The following TRIM24 variants were observed in gnomAD, a reference collection of about 807,000 sequenced individuals.
The protein encoded by TRIM24 is transcription intermediary factor 1-alpha.
TRIM24 carries 29 observed loss-of-function variants against 123.9 expected under a neutral mutation model. The ratio of observed to expected loss-of-function variants is 0.23; its 90% CI spans 0.17 to 0.32. The LOEUF (loss-of-function observed/expected upper bound fraction) is 0.32, where lower values mean the gene tolerates loss of function less well. Ranked by LOEUF, TRIM24 falls within the 10% of genes least tolerant of loss-of-function variation. The pLI, the probability that TRIM24 is intolerant of heterozygous loss-of-function variation, is 1.00. For synonymous variants in TRIM24, 456 were observed against 461.1 expected (o/e 0.99, Z 0.14); for missense variants, 932 against 1,295.3 (o/e 0.72, Z 4.31).
intron 1 of TRIM24, among the ~76,000 whole-genome samples, chr7:138,491,772 A>G (rs1795789183): frequency 6.6e-6 from 1 of 152,294 alleles, no homozygotes; most frequent in East Asian, 1.9e-4. Context: ...GCATCGTGTC[A>G]GCAGTGCACA....
At chr7:138,517,738 C>T (rs1352543482) in intron 3 of TRIM24, among the ~76,000 whole-genome samples, 1 of 151,964 alleles carries the variant, frequency 6.6e-6, no homozygotes, top group East Asian at 1.9e-4. Context: ...AATTCTTTAT[C>T]GTTGGGGACT....
At position 138,537,356 on chromosome 7, in the gene TRIM24, C is replaced by G. The variant is rs547826032; in HGVS notation, c.997-1301C>G. On this transcript the variant is annotated intron_variant, in intron 6 of 18. Coordinates refer to ENST00000343526, the MANE Select transcript of TRIM24 (RefSeq NM_015905.3). ...CTGTTCTTATTCGGCCATCTTGGAA[C>G]CACTCCTCCGCCACCCCTGTTTGTT... is the stretch of plus-strand genomic sequence containing the variant. Among the ~76,000 whole-genome samples the G allele has an allele frequency of 6.7e-4, 100 of 148,286 alleles. 1 individual carries two copies. The highest frequency in any genetic ancestry group is 2.5e-3 in the African/African-American group (99 of 40,000).
At chr7:138,546,222 G>A (rs899113287) in intron 7 of TRIM24, among the ~76,000 whole-genome samples, 4 of 152,160 alleles carry the variant, frequency 2.6e-5, no homozygotes, top group African/African-American at 9.7e-5. Context: ...GTCATCATTT[G>A]TGTGGTATTC....
rs1446082286 is a variant in TRIM24, at chr7:138,554,035, C to A, written c.1262-663C>A. Among the ~76,000 whole-genome samples, 1 of 152,204 alleles carries A rather than the reference C, an allele frequency of 6.6e-6. No individual in the cohort carries two copies. Among genetic ancestry groups the A allele is most frequent in the East Asian group, 1.9e-4 (1 of 5,202 alleles). ...CTAGCAACCTCCATGTGGCAACCTTCATTTAACACAAAGCAAAAGGCATCC... is the reference window on the plus strand; with the variant it reads ...CTAGCAACCTCCATGTGGCAACCTTAATTTAACACAAAGCAAAAGGCATCC... On this transcript the variant is annotated intron_variant, in intron 8 of 18. Transcript: ENST00000343526. This position sits in a 1 kb window ranked among gnomAD's most constrained non-coding sequence, Gnocchi z 4.5.
chr7:138,477,752 A>G (rs1002392405), intron 1 of TRIM24, among the ~76,000 whole-genome samples: 4 of 152,358 alleles, frequency 2.6e-5, no homozygotes, highest in African/African-American at 7.2e-5. Flanking sequence ...CATTAGGCAT[A>G]GAAATTCTCA....
intron 9 of TRIM24, among the ~76,000 whole-genome samples, chr7:138,555,694 G>A (rs865982199): frequency 2.6e-5 from 4 of 151,990 alleles, no homozygotes; most frequent in Non-Finnish European, 2.9e-5. Context: ...TTGTTAGCCA[G>A]GATGGTCTCG....
At chr7:138,572,173 AAT>A (rs1317691928) in intron 11 of TRIM24, among the ~76,000 whole-genome samples, 2 of 152,210 alleles carry the variant, frequency 1.3e-5, no homozygotes, top group Non-Finnish European at 1.5e-5. Context: ...CCATTTTTAA[AAT>A]AGTTTTGTAT....
intron 17 of TRIM24, among the ~76,000 whole-genome samples, chr7:138,582,105 A>G (rs1797907385): frequency 6.6e-6 from 1 of 152,218 alleles, no homozygotes; most frequent in Non-Finnish European, 1.5e-5. Flanking sequence ...AAATAAAGAC[A>G]TCTCTCCCTG....
chr7:138,544,949 T>A (rs1434386787), intron 7 of TRIM24, among the ~76,000 whole-genome samples: 3 of 152,196 alleles, frequency 2.0e-5, no homozygotes, highest in Non-Finnish European at 2.9e-5. Context: ...AATTCAAAAC[T>A]TTTTGAGCAC....
intron 13 of TRIM24, among the ~76,000 whole-genome samples, chr7:138,576,738 TATAG>T (rs1467269505): frequency 1.3e-5 from 2 of 152,168 alleles, no homozygotes; most frequent in Non-Finnish European, 2.9e-5. Flanking sequence ...CAGTACACTA[TATAG>T]AAACACAAAT....
At chr7:138,473,099 GTGA>G (rs979248216) in intron 1 of TRIM24, among the ~76,000 whole-genome samples, 1 of 152,100 alleles carries the variant, frequency 6.6e-6, no homozygotes, top group Non-Finnish European at 1.5e-5. Flanking sequence ...GGCCAACATG[GTGA>G]AACCCTGTCT....
rs1048532473 is a variant in TRIM24 at position 138,582,674 on chromosome 7, G to A, written c.2793+903G>A. The stretch of plus-strand genomic sequence containing the variant: ...GCGGAGGTTGCAGTGAGCCGAGATT[G>A]CGCCATTGCTCTCCAGCCTGGGCAA... On this transcript the variant is annotated intron_variant, in intron 17 of 18. Transcript: ENST00000343526. Among the ~76,000 whole-genome samples the A allele has an allele frequency of 4.6e-5, 7 of 151,272 alleles. No homozygotes were observed. In the East Asian group the frequency reaches 5.8e-4, roughly 13 times the overall value.
intron 7 of TRIM24, 30 bp from the exon 8 acceptor site, chr7:138,551,033 A>T: frequency 1.3e-6 from 2 of 1,578,088 alleles, no homozygotes; most frequent in Non-Finnish European, 1.7e-6. Flanking sequence ...TATTTGCCTA[A>T]TATTTAGTTA....
intron 7 of TRIM24, chr7:138,545,327 C>T (rs947508462): frequency 3.0e-5 from 13 of 430,474 alleles, no homozygotes; most frequent in South Asian, 1.7e-4. Flanking sequence ...CTGGCAGCCA[C>T]GGATGTGAAG....
intron 7 of TRIM24, among the ~76,000 whole-genome samples, chr7:138,546,157 T>C (rs1797097896): frequency 6.6e-6 from 1 of 152,122 alleles, no homozygotes; most frequent in South Asian, 2.1e-4. Context: ...GAATTATAGA[T>C]CAAGATTAAT....
intron 1 of TRIM24, among the ~76,000 whole-genome samples, chr7:138,503,078 A>T (rs1246732094): frequency 6.6e-6 from 1 of 152,196 alleles, no homozygotes; most frequent in Non-Finnish European, 1.5e-5. Context: ...TTGCAGCAAC[A>T]TGAAAAGTTC....
At chr7:138,463,940 A>ATC (rs1489595494) in intron 1 of TRIM24, among the ~76,000 whole-genome samples, 2 of 135,012 alleles carry the variant, frequency 1.5e-5, no homozygotes, top group African/African-American at 5.7e-5. Context: ...TTGTCCCTTT[A>ATC]TCTCTCCTTG....
chr7:138,484,140 G>A (rs1210396396), intron 1 of TRIM24, among the ~76,000 whole-genome samples: 3 of 149,034 alleles, frequency 2.0e-5, no homozygotes, highest in Non-Finnish European at 3.0e-5. Context: ...ACGGAGTTTC[G>A]CTCTTGTTGC....
At chr7:138,462,652 G>A (rs1458225343) in intron 1 of TRIM24, among the ~76,000 whole-genome samples, 1 of 151,754 alleles carries the variant, frequency 6.6e-6, no homozygotes, top group African/African-American at 2.4e-5. Context: ...AAATCTTGAT[G>A]ATGCTTTGGC....
Sources: allele counts gnomAD v4.1 joint callset (sites outside exome capture counted in the v4.1 genomes callset), GRCh38; gene constraint gnomAD v4.1.1; non-coding constraint Gnocchi (gnomAD v3.1); transcripts MANE v1.5; gene names NCBI Gene and HGNC (gene_info 2026-07-23, HGNC 2026-07-21).